Variants in PKD1L1 observed in about 807,000 individuals in gnomAD.
The protein encoded by PKD1L1 is polycystin-1-like protein 1.
A neutral mutation model predicts 323.4 loss-of-function variants in PKD1L1; 236 were observed. The ratio of observed to expected loss-of-function variants is 0.73; its 90% confidence interval spans 0.66 to 0.81. The LOEUF (loss-of-function observed/expected upper bound fraction) is 0.81. PKD1L1 is among the 40% of genes least tolerant of loss of function. The pLI is 0.00. For missense variants in PKD1L1, 3,320 were observed against 3,508.0 expected (o/e 0.95, Z 1.35); for synonymous variants, 1,344 against 1,335.0 (o/e 1.01, Z -0.15).
chr7:47,899,970 T>A lies in PKD1L1; in HGVS notation c.2065-1776A>T, dbSNP rs918914423. Among the ~76,000 whole-genome samples the A allele has an allele frequency of 9.1e-4, 86 of 94,120 alleles. 2 individuals carry two copies. The highest frequency in any genetic ancestry group is 2.7e-3 in the East Asian group (6 of 2,262). 61.7% of individuals were successfully genotyped at this position (94,120 alleles called of 152,430 possible). On this transcript the variant is annotated intron_variant, in intron 13 of 56. Transcript: ENST00000289672. ...GACTCCATCCCAAAAAAAAAAAAAA[T>A]CGGAAAGGGAAAAACCTGGAGGCAG...
chr7:47,815,634 C>T (rs1449395951), intron 46 of PKD1L1, among the ~76,000 whole-genome samples, 177 bp from the exon 47 acceptor site: 1 of 152,228 alleles, frequency 6.6e-6, no homozygotes, highest in Non-Finnish European at 1.5e-5. Context: ...TCACTTTGCT[C>T]CTTAGTAGCA....
intron 46 of PKD1L1, among the ~76,000 whole-genome samples, chr7:47,820,194 A>T (rs1441105384): frequency 1.3e-5 from 2 of 152,246 alleles, no homozygotes; most frequent in Non-Finnish European, 2.9e-5. Context: ...ACTACATTAA[A>T]TGCACCTGTT....
chr7:47,851,043 G>T (rs1219654017), intron 31 of PKD1L1, among the ~76,000 whole-genome samples: 1 of 152,182 alleles, frequency 6.6e-6, no homozygotes, highest in Non-Finnish European at 1.5e-5. Flanking sequence ...GGAACCCTGG[G>T]TGTTGGATTT....
At chr7:47,834,200 T>C (rs1173778798) in intron 40 of PKD1L1, 139 bp downstream of exon 40, 14 of 880,466 alleles carry the variant, frequency 1.6e-5, no homozygotes, top group African/African-American at 3.4e-5. Context: ...AGGTCTTGCA[T>C]TGATCTTTTC....
intron 13 of PKD1L1, 41 bp downstream of exon 13, chr7:47,902,338 G>A (rs762410941): frequency 6.0e-5 from 97 of 1,607,454 alleles, no homozygotes; most frequent in Non-Finnish European, 7.9e-5. Flanking sequence ...GAGGGAGGCT[G>A]AAAAGAGGCT....
At chr7:47,818,719 C>T (rs1785076203) in intron 46 of PKD1L1, among the ~76,000 whole-genome samples, 1 of 152,150 alleles carries the variant, frequency 6.6e-6, no homozygotes, top group Admixed American at 6.5e-5. Flanking sequence ...CTAAACAATG[C>T]AAAAGATAAA....
Position 47,877,614 on chromosome 7 carries a change from G to A in PKD1L1, c.3538C>T (p.Leu1180=). 6 of 1,613,992 alleles carry A rather than the reference G, an allele frequency of 3.7e-6. No homozygotes were observed. Among genetic ancestry groups the A allele is most frequent in the Non-Finnish European group, 5.1e-6 (6 of 1,179,936 alleles). Residue 1180 remains leucine, a synonymous_variant, in exon 22 of 57, where the codon CTG becomes TTG. Coordinates refer to ENST00000289672, the MANE Select transcript of PKD1L1 (RefSeq NM_138295.5). ...GTCAAGTACAGCTGAGCTTTACCCA[G>A]TAAGCCATGCTTCGAAGCTAAAGAG... ...QVSVASKHGL[L]GKAQLYLTVN...
intron 3 of PKD1L1, among the ~76,000 whole-genome samples, chr7:47,939,363 G>A (rs1787936700): frequency 6.6e-6 from 1 of 152,194 alleles, no homozygotes; most frequent in Non-Finnish European, 1.5e-5. Context: ...GGACAGCAGA[G>A]GTTCTGGGAG....
intron 46 of PKD1L1, among the ~76,000 whole-genome samples, chr7:47,817,293 G>A (rs571252856): frequency 4.6e-5 from 7 of 152,104 alleles, no homozygotes; most frequent in Non-Finnish European, 8.8e-5. Context: ...GAAATTGGCT[G>A]GCAGATGCTA....
At chr7:47,925,977 C>T (rs1017147372) in intron 7 of PKD1L1, among the ~76,000 whole-genome samples, 1 of 152,154 alleles carries the variant, frequency 6.6e-6, no homozygotes, top group Non-Finnish European at 1.5e-5. Context: ...AAGAAATGTT[C>T]AGGCTGGGCG....
At chr7:47,861,974 C>T (rs1449027492) in intron 26 of PKD1L1, among the ~76,000 whole-genome samples, 1 of 148,948 alleles carries the variant, frequency 6.7e-6, no homozygotes, top group Non-Finnish European at 1.5e-5. Flanking sequence ...GCAGGTGGAT[C>T]ACCTGAGGTC....
chr7:47,805,595 C>CACACAGCA (rs1396548374), intron 52 of PKD1L1, among the ~76,000 whole-genome samples: 6 of 152,228 alleles, frequency 3.9e-5, no homozygotes, highest in South Asian at 2.1e-4. Flanking sequence ...TGGCCCTGAA[C>CACACAGCA]ACACAGCAAC....
In PKD1L1 at chr7:47,799,302, T is replaced by C. The variant is rs573290470; in HGVS notation, c.8193+1347A>G. 6.3e-4 allele frequency among the ~76,000 whole-genome samples: 96 copies of C among 152,268 alleles called. 3 individuals carry two copies. In the South Asian group the frequency reaches 0.018, roughly 29 times the overall value. ...GAGCAAGAGTAGGGAGCTAGGATCATTGATAAAAGCAAAGGACTCGGGCCT... is the reference window on the plus strand; with the variant it reads ...GAGCAAGAGTAGGGAGCTAGGATCACTGATAAAAGCAAAGGACTCGGGCCT... On this transcript the variant is annotated intron_variant, in intron 54 of 56. Transcript: ENST00000289672.
chr7:47,866,398 T>C (rs1324548906), intron 25 of PKD1L1, 21 bp downstream of exon 25: 1 of 1,606,466 alleles, frequency 6.2e-7, no homozygotes, highest in African/African-American at 1.3e-5. Flanking sequence ...GACACTAAAC[T>C]CACCCTCCTC....
intron 3 of PKD1L1, 138 bp downstream of exon 3, chr7:47,940,055 G>A: frequency 8.6e-7 from 1 of 1,161,750 alleles, no homozygotes; most frequent in South Asian, 1.5e-5. Flanking sequence ...AGTCACACTT[G>A]CTTCATTGGC....
intron 53 of PKD1L1, 132 bp downstream of exon 53, chr7:47,803,078 G>T (rs1784699541): frequency 9.1e-7 from 1 of 1,101,220 alleles, no homozygotes; most frequent in East Asian, 2.5e-5. Context: ...CACACTGTAA[G>T]GGATTAGAAG....
At position 47,942,698 on chromosome 7, in the gene PKD1L1, G is replaced by A. The variant is rs1026818249; in HGVS notation, c.160+698C>T. Among the ~76,000 whole-genome samples the A allele has an allele frequency of 7.9e-5, 12 of 152,104 alleles. No homozygotes were observed. In the East Asian group the frequency reaches 2.3e-3, roughly 29 times the overall value. ...AAAACCCCACACCTGTGGCCATGCAGACACCTCCTGTAACCTAAGTATTCC... is the reference window on the plus strand; with the variant it reads ...AAAACCCCACACCTGTGGCCATGCAAACACCTCCTGTAACCTAAGTATTCC... On this transcript the variant is annotated intron_variant, in intron 2 of 56. Coordinates refer to ENST00000289672, the MANE Select transcript of PKD1L1 (RefSeq NM_138295.5).
rs541133568 is a variant in PKD1L1 at position 47,856,326 on chromosome 7, A to C, written c.4591-1061T>G. On this transcript the variant is annotated intron_variant, in intron 28 of 56. Transcript: ENST00000289672. ...ACTGCTGGGATTACAGGCGTGACCCACTGTGCCCGGCCTCAGTTGTCTATA... is the reference window on the plus strand; with the variant it reads ...ACTGCTGGGATTACAGGCGTGACCCCCTGTGCCCGGCCTCAGTTGTCTATA... 3.1e-4 allele frequency among the ~76,000 whole-genome samples: 47 copies of C among 152,328 alleles called. 1 individual carries two copies. In the South Asian group the frequency reaches 9.3e-3, roughly 30 times the overall value.
At position 47,885,637 on chromosome 7, in the gene PKD1L1, CTT is replaced by C. The variant is rs763924395; in HGVS notation, c.3205+47_3205+48del. 4.5e-6 allele frequency: 7 copies of C among 1,560,470 alleles called. No individual in the cohort carries two copies. In the South Asian group the frequency reaches 8.6e-5, roughly 19 times the overall value. On this transcript the variant is annotated intron_variant, in intron 18 of 56. Transcript: ENST00000289672. ...CCAGATTCACTGCTTCCAAAGGTAA[CTT>C]TGGTGCCTAGACAAGAGGGATGACA...
Sources: gnomAD v4.1 joint callset for allele counts (sites outside exome capture counted in the v4.1 genomes callset) on GRCh38, gnomAD v4.1.1 for gene constraint, MANE v1.5 for transcripts, NCBI Gene and HGNC (gene_info 2026-07-23, HGNC 2026-07-21) for gene names.